RALGAPA2: variants seen among roughly 807,000 people sequenced by gnomAD.
RALGAPA2 encodes ral GTPase-activating protein subunit alpha-2.
Under a neutral mutation model 230.4 loss-of-function variants are expected in RALGAPA2, and 139 were observed. The observed-to-expected ratio is 0.60, with a 90% confidence interval of 0.53 to 0.69. RALGAPA2 has a LOEUF of 0.69. Ranked by LOEUF, RALGAPA2 falls within the 30% of genes least tolerant of loss-of-function variation. The pLI, the probability that RALGAPA2 is intolerant of heterozygous loss-of-function variation, is 0.00. For missense variants in RALGAPA2, 2,163 were observed against 2,276.0 expected (o/e 0.95, Z 1.01); for synonymous variants, 847 against 837.8 (o/e 1.01, Z -0.19).
intron 31 of RALGAPA2, among the ~76,000 whole-genome samples, chr20:20,520,241 T>TTGTG (rs34426196): frequency 1.3e-5 from 2 of 151,198 alleles, no homozygotes; most frequent in African/African-American, 2.4e-5. Flanking sequence ...ATGCATGCAT[T>TTGTG]TGTGTGTGTG....
intron 28 of RALGAPA2, among the ~76,000 whole-genome samples, chr20:20,525,618 G>A (rs939753055): frequency 3.3e-5 from 5 of 152,206 alleles, no homozygotes; most frequent in Non-Finnish European, 5.9e-5. Flanking sequence ...TGTTTTTAAA[G>A]TGCAGCTACA....
intron 12 of RALGAPA2, among the ~76,000 whole-genome samples, chr20:20,617,992 T>C (rs532037842): frequency 6.6e-6 from 1 of 152,314 alleles, no homozygotes; most frequent in East Asian, 1.9e-4. Flanking sequence ...CAATAGGTTG[T>C]TGGAAATGAT....
intron 37 of RALGAPA2, among the ~76,000 whole-genome samples, chr20:20,443,495 C>T (rs979412511): frequency 6.6e-6 from 1 of 152,196 alleles, no homozygotes; most frequent in African/African-American, 2.4e-5. Context: ...CCTTGGCTGT[C>T]CCATACCAGG....
intron 3 of RALGAPA2, among the ~76,000 whole-genome samples, chr20:20,671,280 C>T (rs2068126872): frequency 6.6e-6 from 1 of 152,240 alleles, no homozygotes; most frequent in East Asian, 1.9e-4. Context: ...GCTCTCTTTA[C>T]ATACTCCTCT....
At chr20:20,489,080 C>G (rs1257314911) in intron 36 of RALGAPA2, among the ~76,000 whole-genome samples, 6 of 152,272 alleles carry the variant, frequency 3.9e-5, no homozygotes, top group Non-Finnish European at 8.8e-5. Flanking sequence ...TAGCCTTCTT[C>G]CACTGCCATA....
chr20:20,589,199 A>G, intron 18 of RALGAPA2, 69 bp downstream of exon 18: 2 of 1,445,632 alleles, frequency 1.4e-6, no homozygotes, highest in Non-Finnish European at 1.8e-6. Flanking sequence ...CCACCAATAA[A>G]TTTACTTACT....
intron 1 of RALGAPA2, among the ~76,000 whole-genome samples, chr20:20,694,273 T>C (rs1338708678): frequency 6.6e-6 from 1 of 152,156 alleles, no homozygotes; most frequent in East Asian, 1.9e-4. Context: ...AGTTATTAAA[T>C]ACAAAAGTAC....
intron 24 of RALGAPA2, among the ~76,000 whole-genome samples, chr20:20,544,596 C>T (rs2063732124): frequency 6.6e-6 from 1 of 151,992 alleles, no homozygotes; most frequent in African/African-American, 2.4e-5. Flanking sequence ...CACTATTTAC[C>T]ATAGCAAAGA....
In RALGAPA2 at chr20:20,635,447, C is replaced by G; in HGVS notation, c.976G>C (p.Gly326Arg). Residue 326 changes from glycine to arginine, a missense_variant, in exon 9 of 40, where the codon GGA (glycine) becomes CGA (arginine). Transcript: ENST00000202677. ...ATGATTTTAGGCAATACATCAACTC[C>G]ATTTTTAGTGTTTTGTGTTGCAGTT... is the stretch of plus-strand genomic sequence containing the variant. ...YLTATQNTKN[G>R]VDVLPKIIQT... 1 of 1,602,076 alleles carries G rather than the reference C, an allele frequency of 6.2e-7. No individual in the cohort carries two copies. Among genetic ancestry groups the G allele is most frequent in the Non-Finnish European group, 8.5e-7 (1 of 1,175,596 alleles).
In RALGAPA2 at chr20:20,712,092, G is replaced by GTACC. The variant is rs2069900312; in HGVS notation, c.106+279_106+282dup. Among the ~76,000 whole-genome samples the GTACC allele has an allele frequency of 6.6e-6, 1 of 152,252 alleles. No homozygotes were observed. ...CACTTGCTGGGAGGACAGGGGACAG[G>GTACC]TACCTCTGTGCCCGGCCTCCAGGTT... On this transcript the variant is annotated intron_variant, in intron 1 of 39. Transcript: ENST00000202677. This position sits in a 1 kb window ranked among gnomAD's most constrained non-coding sequence, Gnocchi z 5.5.
chr20:20,712,512 G>A lies in RALGAPA2; in HGVS notation c.-32C>T. 1 of 1,535,684 alleles carries A rather than the reference G, an allele frequency of 6.5e-7. No homozygotes were observed. The highest frequency in any genetic ancestry group is 1.4e-5 in the African/African-American group (1 of 71,098). On this transcript the variant is annotated 5_prime_UTR_variant, in exon 1 of 40. Coordinates refer to ENST00000202677, the MANE Select transcript of RALGAPA2 (RefSeq NM_020343.4). This position sits in a 1 kb window ranked among gnomAD's most constrained non-coding sequence, Gnocchi z 5.5. ...GCAGGAAGCCCGGGCCCCGCCGGCG[G>A]GGCAGTAGGCGCCTGCGCCACGCGA...
chr20:20,536,783 G>C lies in RALGAPA2; in HGVS notation c.3287C>G (p.Ala1096Gly), dbSNP rs368408090. The C allele has an allele frequency of 6.2e-7, 1 of 1,610,672 alleles. No homozygotes were observed. The highest frequency in any genetic ancestry group is 1.3e-5 in the African/African-American group (1 of 74,802). ...ARVLSTDILT[A>G]PRSEAVTVLG... ...GACAGTGACAGCCTCTGAACGAGGC[G>C]CCTGCACATAAGGAAGAGGAGCACA... The change falls in exon 25 of 40, where the codon GCG becomes GGG. Residue 1096 changes from alanine to glycine, a missense_variant and splice_region_variant. Transcript: ENST00000202677.
At chr20:20,706,770 G>C (rs1287222256) in intron 1 of RALGAPA2, among the ~76,000 whole-genome samples, 2 of 151,928 alleles carry the variant, frequency 1.3e-5, no homozygotes, top group Admixed American at 6.6e-5. Context: ...ATTTCCTTTT[G>C]AATCAGATAA....
intron 1 of RALGAPA2, among the ~76,000 whole-genome samples, chr20:20,688,564 A>G (rs1035652259): frequency 2.0e-5 from 3 of 152,172 alleles, no homozygotes; most frequent in African/African-American, 7.2e-5. Flanking sequence ...AGCCCTAGTC[A>G]TCCCCACAAG....
chr20:20,392,879 C>T lies in RALGAPA2; in HGVS notation c.*410G>A, dbSNP rs6046827. On this transcript the variant is annotated 3_prime_UTR_variant, in exon 40 of 40. Coordinates refer to ENST00000202677, the MANE Select transcript of RALGAPA2 (RefSeq NM_020343.4). ...GGGTGCAGAAGCAAGCTGCCCTCTG[C>T]CCCCTCCCTGAAAGCGCAGAATCTT... The T allele has an allele frequency of 1.0e-3, 308 of 309,046 alleles. 3 individuals are homozygous for T. The highest frequency in any genetic ancestry group is 6.5e-3 in the African/African-American group (290 of 44,738). 19.1% of individuals were successfully genotyped at this position (309,046 alleles called of 1,614,324 possible).
At chr20:20,539,981 T>C (rs1568554753) in intron 24 of RALGAPA2, among the ~76,000 whole-genome samples, 2 of 152,260 alleles carry the variant, frequency 1.3e-5, no homozygotes, top group Admixed American at 1.3e-4. Context: ...TGGAGATATG[T>C]ACCACATTTC....
At chr20:20,620,739 C>T in intron 10 of RALGAPA2, 109 bp from the exon 11 acceptor site, 4 of 938,450 alleles carry the variant, frequency 4.3e-6, no homozygotes, top group Non-Finnish European at 6.1e-6. Flanking sequence ...TTCCTTGGAA[C>T]ACACAGCTTA....
Position 20,546,686 on chromosome 20 carries a change from G to A in RALGAPA2, c.3285+18C>T, listed in dbSNP as rs760718439. The stretch of plus-strand genomic sequence containing the variant: ...GAAGCCTCTTGGGAGCTGGGATGCT[G>A]AGCATTGTCATACTCACCGTCAAAA... On this transcript the variant is annotated intron_variant, in intron 24 of 39. Transcript: ENST00000202677. 18 of 1,577,114 alleles carry A rather than the reference G, an allele frequency of 1.1e-5. No homozygotes were observed. The highest frequency in any genetic ancestry group is 1.7e-4 in the Middle Eastern group (1 of 5,892).
intron 37 of RALGAPA2, among the ~76,000 whole-genome samples, chr20:20,419,209 A>T (rs2060227218): frequency 6.6e-6 from 1 of 152,200 alleles, no homozygotes; most frequent in South Asian, 2.1e-4. Context: ...GGGTGTCAGT[A>T]CCGGGACGTG....
Sources: gnomAD v4.1 joint callset for allele counts (sites outside exome capture counted in the v4.1 genomes callset) on GRCh38, gnomAD v4.1.1 for gene constraint, Gnocchi (gnomAD v3.1) non-coding constraint, MANE v1.5 for transcripts, NCBI Gene and HGNC (gene_info 2026-07-23, HGNC 2026-07-21) for gene names.